The following SPAG9 variants were observed in gnomAD, a reference collection of about 807,000 sequenced individuals.
SPAG9 encodes the protein C-Jun-amino-terminal kinase-interacting protein 4.
SPAG9 carries 35 observed loss-of-function variants against 166.5 expected under a neutral mutation model. The ratio of observed to expected loss-of-function variants is 0.21; its 90% CI spans 0.16 to 0.28. The LOEUF is 0.28. SPAG9 is among the 10% of genes least tolerant of loss of function. SPAG9 has a pLI of 1.00. For missense variants in SPAG9, 1,235 were observed against 1,603.3 expected (o/e 0.77, Z 3.92); for synonymous variants, 534 against 565.5 (o/e 0.94, Z 0.79).
intron 15 of SPAG9, 83 bp downstream of exon 15, chr17:50,998,361 T>A: frequency 8.0e-7 from 1 of 1,246,760 alleles, no homozygotes; most frequent in South Asian, 1.4e-5. Context: ...TTTACCTGAA[T>A]CCTTAGAGCT....
At chr17:51,093,069 TA>T (rs533198690) in intron 1 of SPAG9, among the ~76,000 whole-genome samples, 1,660 of 101,134 alleles carry the variant, frequency 0.016, 13 homozygotes, top group African/African-American at 0.019. Flanking sequence ...GATATTTCTG[TA>T]AAAAAAAAAA....
intron 2 of SPAG9, among the ~76,000 whole-genome samples, chr17:51,068,570 T>C (rs981560342): frequency 1.3e-5 from 2 of 152,182 alleles, no homozygotes; most frequent in Non-Finnish European, 2.9e-5. Context: ...TCTGCACATA[T>C]TCCTGTGTAT....
At chr17:51,035,292 G>A (rs1220826294) in intron 5 of SPAG9, among the ~76,000 whole-genome samples, 2 of 152,182 alleles carry the variant, frequency 1.3e-5, no homozygotes, top group Non-Finnish European at 2.9e-5. Flanking sequence ...TTTGATGATT[G>A]TATTATGGTT....
chr17:50,995,404 A>G, intron 17 of SPAG9, 40 bp downstream of exon 17: 2 of 1,510,954 alleles, frequency 1.3e-6, no homozygotes, highest in South Asian at 1.2e-5. Flanking sequence ...AACTACCCAG[A>G]GTTTAGAAAA....
intron 2 of SPAG9, among the ~76,000 whole-genome samples, chr17:51,067,287 C>T (rs1598118238): frequency 2.0e-5 from 3 of 152,132 alleles, no homozygotes; most frequent in Admixed American, 2.0e-4. Flanking sequence ...ATGGTATAAA[C>T]ACTTTTGAGA....
chr17:51,055,353 TCACACACA>T (rs144478419), intron 3 of SPAG9, among the ~76,000 whole-genome samples: 1 of 148,782 alleles, frequency 6.7e-6, no homozygotes, highest in Non-Finnish European at 1.5e-5. Flanking sequence ...ACTCTCTCTC[TCACACACA>T]CACACACACA....
chr17:51,032,265 T>G (rs1183200319), intron 5 of SPAG9, among the ~76,000 whole-genome samples: 1 of 152,016 alleles, frequency 6.6e-6, no homozygotes, highest in Admixed American at 6.6e-5. Flanking sequence ...AGGATTCAGG[T>G]GATTCTCCCA....
intron 25 of SPAG9, among the ~76,000 whole-genome samples, chr17:50,981,527 T>TAGATAGAA (rs1555631099): frequency 8.4e-4 from 90 of 107,358 alleles, no homozygotes; most frequent in African/African-American, 2.3e-3. Flanking sequence ...GATAGATAGA[T>TAGATAGAA]AGAAAGAAAG....
intron 1 of SPAG9, among the ~76,000 whole-genome samples, chr17:51,092,127 G>T (rs1193623553): frequency 2.0e-5 from 3 of 151,946 alleles, no homozygotes; most frequent in African/African-American, 7.2e-5. Flanking sequence ...CAAATAAAGG[G>T]CTGGCTTATT....
chr17:51,008,993 C>T (rs1000970727), intron 9 of SPAG9: 7 of 338,850 alleles, frequency 2.1e-5, no homozygotes, highest in African/African-American at 1.1e-4. Context: ...GTTAGATAAG[C>T]GTGGAAGCTG....
At chr17:51,070,565 G>A (rs1280924120) in intron 2 of SPAG9, among the ~76,000 whole-genome samples, 1 of 152,034 alleles carries the variant, frequency 6.6e-6, no homozygotes, top group Admixed American at 6.6e-5. Context: ...CCAACCAACA[G>A]AAGTTTTTGG....
chr17:50,977,234 G>C lies in SPAG9; in HGVS notation c.3410-13C>G. ...AGTTTTCCAGTACCTGTAAAGAAAG[G>C]AGGGAACACGTTATTGAGAAACTAA... On this transcript the variant is annotated splice_polypyrimidine_tract_variant and intron_variant, in intron 26 of 29. Transcript: ENST00000262013. 2 of 1,490,246 alleles carry C rather than the reference G, an allele frequency of 1.3e-6. No homozygotes were observed. The highest frequency in any genetic ancestry group is 1.1e-5 in the South Asian group (1 of 88,372). 92.3% of individuals were successfully genotyped at this position (1,490,246 alleles called of 1,614,324 possible). A position where few individuals can be genotyped will look rare whatever the true frequency, so the allele number is the denominator to read the frequency against.
At position 50,991,952 on chromosome 17, in the gene SPAG9, T is replaced by A. The variant is rs1185282994; in HGVS notation, c.2399-1284A>T. ...TTTTTTTTTTTTTTTTTTTTTTTTT[T>A]AAAACACAGGGTCTTACTCCCATTG... On this transcript the variant is annotated intron_variant, in intron 19 of 29. Transcript: ENST00000262013. Among the ~76,000 whole-genome samples the A allele has an allele frequency of 4.4e-4, 47 of 107,504 alleles. 1 individual carries two copies. Among genetic ancestry groups the A allele is most frequent in the East Asian group, 3.2e-3 (15 of 4,754 alleles). 70.5% of individuals were successfully genotyped at this position (107,504 alleles called of 152,430 possible).
At chr17:51,036,440 C>T (rs62062970) in intron 5 of SPAG9, among the ~76,000 whole-genome samples, 1 of 152,116 alleles carries the variant, frequency 6.6e-6, no homozygotes, top group African/African-American at 2.4e-5. Context: ...CTTTGTGCCT[C>T]GACTTTCAGC....
intron 6 of SPAG9, among the ~76,000 whole-genome samples, chr17:51,022,267 G>C (rs149576260): frequency 6.6e-6 from 1 of 152,030 alleles, no homozygotes; most frequent in South Asian, 2.1e-4. Context: ...GAGTAGGGAG[G>C]AGTAGACAGA....
intron 8 of SPAG9, among the ~76,000 whole-genome samples, chr17:51,015,547 G>A (rs1213079396): frequency 6.6e-6 from 1 of 151,808 alleles, no homozygotes; most frequent in East Asian, 1.9e-4. Context: ...TAAAAGAAAG[G>A]GCCCAAAACA....
chr17:50,964,699 T>TA lies in SPAG9; in HGVS notation c.*1572dup, dbSNP rs950094200. 5.8e-5 allele frequency: 26 copies of TA among 449,328 alleles called. No homozygotes were observed. Among genetic ancestry groups the TA allele is most frequent in the Non-Finnish European group, 1.1e-4 (24 of 223,772 alleles). 27.8% of individuals were successfully genotyped at this position (449,328 alleles called of 1,614,324 possible). ...GGAAAAAATTGCAGCATCGTGGTTT[T>TA]AAAAAACTTATTAAGCAAGAAAATC... is the stretch of plus-strand genomic sequence containing the variant. On this transcript the variant is annotated 3_prime_UTR_variant, in exon 30 of 30. Transcript: ENST00000262013.
intron 15 of SPAG9, among the ~76,000 whole-genome samples, chr17:50,998,242 G>A (rs911690386): frequency 5.9e-5 from 9 of 151,926 alleles, no homozygotes; most frequent in African/African-American, 2.2e-4. Context: ...ATATTGGCCA[G>A]ACTGGTCTCG....
chr17:51,110,132 T>C (rs1293340919), intron 1 of SPAG9, among the ~76,000 whole-genome samples: 2 of 152,182 alleles, frequency 1.3e-5, no homozygotes, highest in African/African-American at 4.8e-5. Flanking sequence ...AATTTAAATA[T>C]GTTAAGTACT....
Sources: gnomAD v4.1 joint callset for allele counts (sites outside exome capture counted in the v4.1 genomes callset) on GRCh38, gnomAD v4.1.1 for gene constraint, MANE v1.5 for transcripts, NCBI Gene and HGNC (gene_info 2026-07-23, HGNC 2026-07-21) for gene names.